The following PIKFYVE variants were observed in gnomAD, a reference collection of about 807,000 sequenced individuals.
The protein encoded by PIKFYVE is phosphoinositide kinase, FYVE-type zinc finger containing.
PIKFYVE carries 122 observed loss-of-function variants against 257.9 expected under a neutral mutation model. That is an observed-to-expected ratio of 0.47 (90% CI 0.41 to 0.55). PIKFYVE has a LOEUF of 0.55. Ranked by LOEUF, PIKFYVE falls within the 20% of genes least tolerant of loss-of-function variation. The pLI, the probability that PIKFYVE is intolerant of heterozygous loss-of-function variation, is 0.00. For synonymous variants in PIKFYVE, 892 were observed against 868.9 expected, an observed-to-expected ratio of 1.03 and a Z score of -0.47; for missense variants, 2,160 against 2,536.6, an observed-to-expected ratio of 0.85 and a Z score of 3.19.
intron 7 of PIKFYVE, 149 bp downstream of exon 7, chr2:208,288,967 A>C: frequency 9.1e-7 from 1 of 1,100,374 alleles, no homozygotes; most frequent in East Asian, 2.6e-5. Flanking sequence ...TCTTTTTGCT[A>C]TTCAGCCCTT....
intron 21 of PIKFYVE, among the ~76,000 whole-genome samples, chr2:208,328,696 C>A (rs1697209333): frequency 6.6e-6 from 1 of 152,006 alleles, no homozygotes; most frequent in Admixed American, 6.6e-5. Context: ...GTACACGTAG[C>A]CTGAAGTTAA....
intron 12 of PIKFYVE, among the ~76,000 whole-genome samples, chr2:208,308,654 CAA>C (rs1694621506): frequency 6.6e-6 from 1 of 150,850 alleles, no homozygotes; most frequent in Admixed American, 6.6e-5. Flanking sequence ...ATGAAAAACA[CAA>C]AGAGTGTAGT....
Position 208,355,585 on chromosome 2 carries a change from G to A in PIKFYVE, c.*280G>A, listed in dbSNP as rs1409158512. On this transcript the variant is annotated 3_prime_UTR_variant, in exon 42 of 42. Coordinates refer to ENST00000264380, the MANE Select transcript of PIKFYVE (RefSeq NM_015040.4). ...GTTTCAAAGGGCTAAAGTTGGAGAT[G>A]AGTAGATAGGGTGAAAAATGGGTTA... 1.7e-5 allele frequency: 6 copies of A among 348,888 alleles called. No homozygotes were observed. The East Asian group carries it at 3.7e-4, about 21-fold the overall frequency. 21.6% of individuals were successfully genotyped at this position (348,888 alleles called of 1,614,324 possible).
chr2:208,336,948 C>T lies in PIKFYVE; in HGVS notation c.4611+20C>T, dbSNP rs770299032. On this transcript the variant is annotated intron_variant, in intron 28 of 41. Transcript: ENST00000264380. ...AGCAAGGTATGAAATGTAGTCTTGT[C>T]TTTGGTCCTTAATCAATAGAAATAT... 5 of 1,549,250 alleles carry T rather than the reference C, an allele frequency of 3.2e-6. No individual in the cohort carries two copies. Among genetic ancestry groups the T allele is most frequent in the African/African-American group, 1.4e-5 (1 of 73,464 alleles).
At chr2:208,296,428 G>A (rs929888559) in intron 7 of PIKFYVE, among the ~76,000 whole-genome samples, 4 of 152,172 alleles carry the variant, frequency 2.6e-5, no homozygotes, top group Non-Finnish European at 5.9e-5. Flanking sequence ...GCAGTTGGAG[G>A]GGTGGAATTA....
intron 12 of PIKFYVE, among the ~76,000 whole-genome samples, chr2:208,307,354 T>C (rs1694448792): frequency 6.6e-6 from 1 of 152,164 alleles, no homozygotes; most frequent in East Asian, 1.9e-4. Context: ...ACTAACTTTA[T>C]CAGGAAAGAA....
Position 208,335,792 on chromosome 2 carries a change from G to C in PIKFYVE, c.4257-1G>C. 6.2e-7 allele frequency: 1 copy of C among 1,604,788 alleles called. No individual in the cohort carries two copies. The highest frequency in any genetic ancestry group is 8.5e-7 in the Non-Finnish European group (1 of 1,172,022). On this transcript the variant is annotated splice_acceptor_variant, in intron 25 of 41. Coordinates refer to ENST00000264380, the MANE Select transcript of PIKFYVE (RefSeq NM_015040.4). LOFTEE classifies it high-confidence loss of function. ...GTGTTTAATGCTCTCGCTATTGTTA[G>C]AGTTTCACAGGTATATGTTGCCATT...
At chr2:208,318,088 C>A in intron 16 of PIKFYVE, 147 bp downstream of exon 16, 1 of 800,334 alleles carries the variant, frequency 1.2e-6, no homozygotes, top group Non-Finnish European at 2.1e-6. Flanking sequence ...TTGGTTGGTT[C>A]AGGGAAGATT....
At chr2:208,266,836 C>T (rs191181445) in intron 1 of PIKFYVE, among the ~76,000 whole-genome samples, 18 of 152,304 alleles carry the variant, frequency 1.2e-4, no homozygotes. Context: ...CGATACCAAC[C>T]GTGGGGGTTC....
intron 18 of PIKFYVE, 77 bp from the exon 19 acceptor site, chr2:208,324,834 A>G (rs1410609706): frequency 2.0e-6 from 3 of 1,524,736 alleles, no homozygotes; most frequent in Non-Finnish European, 2.7e-6. Flanking sequence ...TAATTTTTCC[A>G]TTACTTTTCC....
chr2:208,336,987 T>C (rs1698201173), intron 28 of PIKFYVE, 59 bp downstream of exon 28: 1 of 1,283,346 alleles, frequency 7.8e-7, no homozygotes, highest in Admixed American at 1.7e-5. Context: ...TAGTTTCATT[T>C]ATAATACTTA....
chr2:208,322,817 G>A lies in PIKFYVE; in HGVS notation c.2191-1325G>A, dbSNP rs532952529. Reference sequence around the variant, plus strand: ...ACCCATTAACTTGTCATTTACATTAGGTATATCTCCTAATGCTATCCCTCC... The same window carrying A: ...ACCCATTAACTTGTCATTTACATTAAGTATATCTCCTAATGCTATCCCTCC... On this transcript the variant is annotated intron_variant, in intron 17 of 41. Transcript: ENST00000264380. 1.7e-4 allele frequency among the ~76,000 whole-genome samples: 25 copies of A among 149,810 alleles called. 1 individual carries two copies. In the South Asian group the frequency reaches 5.1e-3, roughly 31 times the overall value.
intron 25 of PIKFYVE, 54 bp from the exon 26 acceptor site, chr2:208,335,739 A>AT: frequency 7.6e-7 from 1 of 1,319,246 alleles, no homozygotes; most frequent in South Asian, 1.2e-5. Flanking sequence ...TTTATGTGAG[A>AT]TAGAAAATTT....
chr2:208,342,791 G>GTTA, intron 32 of PIKFYVE, 142 bp downstream of exon 32: 31 of 370,868 alleles, frequency 8.4e-5, no homozygotes, highest in Non-Finnish European at 1.2e-4. Flanking sequence ...GTGATAGCTT[G>GTTA]TTCTTTTTTT....
rs1276951442 is a variant in PIKFYVE, at chr2:208,273,969, G to T, written c.322+236G>T. The T allele has an allele frequency of 6.3e-6, 10 of 1,578,114 alleles. No individual in the cohort carries two copies. The Admixed American group carries it at 1.4e-4, about 22-fold the overall frequency. ...CTCATTAAACTTTAATTTAGGCAAG[G>T]CACAGATTTCTTGACTATTTTTTGA... On this transcript the variant is annotated intron_variant, in intron 3 of 41. Coordinates refer to ENST00000264380, the MANE Select transcript of PIKFYVE (RefSeq NM_015040.4).
rs10582492 is a variant in PIKFYVE at position 208,343,833 on chromosome 2, C to CT, written c.5027+1200dup. 8.3e-4 allele frequency among the ~76,000 whole-genome samples: 113 copies of CT among 135,428 alleles called. 2 individuals carry two copies. Among genetic ancestry groups the CT allele is most frequent in the Middle Eastern group, 3.8e-3 (1 of 266 alleles). 88.8% of individuals were successfully genotyped at this position (135,428 alleles called of 152,430 possible). On this transcript the variant is annotated intron_variant, in intron 32 of 41. Coordinates refer to ENST00000264380, the MANE Select transcript of PIKFYVE (RefSeq NM_015040.4). ...TGTCTAAAAGGGCAAAGCTTTTAAA[C>CT]TTTTTTTTTTTTTTTTGAGACAGAG... is the stretch of plus-strand genomic sequence containing the variant.
At chr2:208,303,649 C>A (rs1693989531) in intron 10 of PIKFYVE, among the ~76,000 whole-genome samples, 2 of 152,060 alleles carry the variant, frequency 1.3e-5, no homozygotes, top group South Asian at 4.2e-4. Context: ...TCAGGGGTAG[C>A]AGAGGCAGAA....
intron 16 of PIKFYVE, among the ~76,000 whole-genome samples, chr2:208,318,502 T>C (rs183177560): frequency 6.6e-5 from 10 of 152,230 alleles, no homozygotes; most frequent in Admixed American, 6.5e-4. Context: ...TCATTAAAGG[T>C]CTTGAACTTT....
intron 7 of PIKFYVE, among the ~76,000 whole-genome samples, chr2:208,292,390 G>A (rs575433905): frequency 7.9e-5 from 12 of 152,054 alleles, no homozygotes; most frequent in Non-Finnish European, 1.5e-4. Context: ...CTGATAGAGG[G>A]GTTAAAGTCT....
Sources: gnomAD v4.1 joint callset for allele counts (sites outside exome capture counted in the v4.1 genomes callset) on GRCh38, gnomAD v4.1.1 for gene constraint, MANE v1.5 for transcripts, NCBI Gene and HGNC (gene_info 2026-07-23, HGNC 2026-07-21) for gene names.